The following EPHA5 variants were observed in gnomAD, a reference collection of about 807,000 sequenced individuals.
EPHA5 encodes EPH receptor A5, also known as ephrin type-A receptor 5.
Under a neutral mutation model 105.0 loss-of-function variants are expected in EPHA5, and 60 were observed. The ratio of observed to expected loss-of-function variants is 0.57; its 90% CI spans 0.46 to 0.71. The LOEUF (loss-of-function observed/expected upper bound fraction) is 0.71. Ranked by LOEUF, EPHA5 falls within the 30% of genes least tolerant of loss-of-function variation. The pLI is 0.00. For missense variants in EPHA5, 1,218 were observed against 1,274.7 expected (o/e 0.96, Z 0.68); for synonymous variants, 513 against 449.1 (o/e 1.14, Z -1.80).
chr4:65,427,423 C>T (rs1724553269), intron 5 of EPHA5, among the ~76,000 whole-genome samples: 1 of 152,042 alleles, frequency 6.6e-6, no homozygotes. Context: ...CCTCATGATC[C>T]ACCTACCTCG....
In EPHA5 at chr4:65,324,077, A is replaced by G. The variant is rs895814952; in HGVS notation, c.*37T>C. ...AATCTCAGTGCTGTTTACAAAGTGC[A>G]GAATCATTCACTTGAAGAAGCGACA... On this transcript the variant is annotated 3_prime_UTR_variant, in exon 17 of 17. Transcript: ENST00000613740. The G allele has an allele frequency of 2.2e-6, 3 of 1,361,574 alleles. No homozygotes were observed. The highest frequency in any genetic ancestry group is 3.2e-6 in the Non-Finnish European group (3 of 952,346). The allele number at this position is 1,361,574 out of a possible 1,614,324, so 84.3% of individuals were successfully genotyped here. A position where few individuals can be genotyped will look rare whatever the true frequency, so the allele number is the denominator to read the frequency against.
chr4:65,614,588 A>C (rs1417232868), intron 2 of EPHA5, among the ~76,000 whole-genome samples: 1 of 151,840 alleles, frequency 6.6e-6, no homozygotes, highest in Non-Finnish European at 1.5e-5. Flanking sequence ...GGATATCACA[A>C]GCTCTTAATA....
intron 2 of EPHA5, among the ~76,000 whole-genome samples, chr4:65,630,396 T>C (rs989011845): frequency 1.3e-5 from 2 of 152,006 alleles, no homozygotes; most frequent in Non-Finnish European, 2.9e-5. Flanking sequence ...CTCCAGTAAA[T>C]ACACTGTGCA....
chr4:65,410,134 G>A (rs1034141128), intron 7 of EPHA5, among the ~76,000 whole-genome samples: 3 of 152,122 alleles, frequency 2.0e-5, no homozygotes, highest in Non-Finnish European at 4.4e-5. Flanking sequence ...CTTTATTTGT[G>A]ATAGCAAAAA....
intron 6 of EPHA5, among the ~76,000 whole-genome samples, chr4:65,417,535 TA>T (rs1317083243): frequency 6.6e-6 from 1 of 152,154 alleles, no homozygotes; most frequent in Non-Finnish European, 1.5e-5. Context: ...ATATATTATA[TA>T]AAGATTTTTC....
chr4:65,538,502 A>T (rs1736510787), intron 3 of EPHA5, among the ~76,000 whole-genome samples: 1 of 151,812 alleles, frequency 6.6e-6, no homozygotes. Context: ...CTATTAATGC[A>T]TCATCTAGAA....
At chr4:65,654,495 C>G (rs76878915) in intron 1 of EPHA5, among the ~76,000 whole-genome samples, 11,871 of 151,294 alleles carry the variant, frequency 0.078, 737 homozygotes, top group Non-Finnish European at 0.11. Flanking sequence ...GTAAATAAAA[C>G]AGGAAGTATC....
chr4:65,605,926 C>T (rs182064443), intron 2 of EPHA5, among the ~76,000 whole-genome samples: 21 of 152,096 alleles, frequency 1.4e-4, no homozygotes, highest in Admixed American at 4.6e-4. Flanking sequence ...CTTAAAAGAG[C>T]CAGTCCTATT....
chr4:65,669,069 T>C (rs2149568583), intron 1 of EPHA5, among the ~76,000 whole-genome samples: 1 of 151,958 alleles, frequency 6.6e-6, no homozygotes, highest in East Asian at 2.0e-4. Context: ...TCCCCAAAAA[T>C]AAAAGCATCC....
intron 4 of EPHA5, among the ~76,000 whole-genome samples, chr4:65,492,751 C>T (rs2149218814): frequency 6.6e-6 from 1 of 152,148 alleles, no homozygotes; most frequent in East Asian, 1.9e-4. Context: ...AATAAACATA[C>T]TTGTGCATGT....
At chr4:65,529,641 T>A (rs1735574142) in intron 3 of EPHA5, among the ~76,000 whole-genome samples, 1 of 152,140 alleles carries the variant, frequency 6.6e-6, no homozygotes, top group Admixed American at 6.6e-5. Context: ...TCTACACAAT[T>A]GCTTATTAAT....
intron 3 of EPHA5, among the ~76,000 whole-genome samples, chr4:65,547,223 C>T (rs1737462185): frequency 6.6e-6 from 1 of 151,568 alleles, no homozygotes; most frequent in South Asian, 2.1e-4. Flanking sequence ...ACTTTTTACA[C>T]CCTGTGGACT....
intron 5 of EPHA5, among the ~76,000 whole-genome samples, chr4:65,429,455 A>G (rs1420817607): frequency 4.4e-5 from 5 of 114,150 alleles, no homozygotes; most frequent in Non-Finnish European, 9.7e-5. Context: ...GCAACCACAG[A>G]CTAAGTCACT....
At chr4:65,446,357 A>T (rs975937818) in intron 5 of EPHA5, among the ~76,000 whole-genome samples, 4 of 152,220 alleles carry the variant, frequency 2.6e-5, no homozygotes, top group Non-Finnish European at 5.9e-5. Context: ...TTTACTTAAT[A>T]AATATGCTTT....
At chr4:65,536,165 T>C (rs1039639764) in intron 3 of EPHA5, among the ~76,000 whole-genome samples, 1 of 151,974 alleles carries the variant, frequency 6.6e-6, no homozygotes, top group Non-Finnish European at 1.5e-5. Context: ...ATACTTCCTA[T>C]TACTTTGAAT....
At chr4:65,641,942 A>C (rs1451779465) in intron 2 of EPHA5, among the ~76,000 whole-genome samples, 3 of 152,166 alleles carry the variant, frequency 2.0e-5, no homozygotes, top group Non-Finnish European at 4.4e-5. Flanking sequence ...TGTTTCATAT[A>C]GAAATCATGT....
intron 8 of EPHA5, among the ~76,000 whole-genome samples, chr4:65,386,401 C>T (rs977270708): frequency 4.0e-5 from 6 of 151,898 alleles, no homozygotes; most frequent in Admixed American, 1.3e-4. Flanking sequence ...GCTAATTGTA[C>T]AGTAGTTCAG....
At chr4:65,648,746 T>C (rs1252938614) in intron 1 of EPHA5, among the ~76,000 whole-genome samples, 3 of 152,182 alleles carry the variant, frequency 2.0e-5, no homozygotes, top group African/African-American at 7.2e-5. Flanking sequence ...GAAAAGCTAC[T>C]GGATTCAATT....
chr4:65,618,804 A>T (rs1019281472), intron 2 of EPHA5, among the ~76,000 whole-genome samples: 1 of 152,238 alleles, frequency 6.6e-6, no homozygotes, highest in East Asian at 1.9e-4. Flanking sequence ...CCAATAAATG[A>T]GTAAAATACA....
Sources: gnomAD v4.1 joint callset for allele counts (sites outside exome capture counted in the v4.1 genomes callset) on GRCh38, gnomAD v4.1.1 for gene constraint, MANE v1.5 for transcripts, NCBI Gene and HGNC (gene_info 2026-07-23, HGNC 2026-07-21) for gene names.